The following COL20A1 variants were observed in gnomAD, a reference collection of about 807,000 sequenced individuals.
COL20A1 encodes the protein collagen alpha-1(XX) chain.
Under a neutral mutation model 152.9 loss-of-function variants are expected in COL20A1, and 164 were observed. The ratio of observed to expected loss-of-function variants is 1.07; its 90% CI spans 0.94 to 1.22. The LOEUF is 1.22. Ranked by LOEUF, COL20A1 falls within the 50% of genes most tolerant of loss-of-function variation. COL20A1 has a pLI of 0.00. For synonymous variants in COL20A1, 864 were observed against 756.0 expected (o/e 1.14, Z -2.34); for missense variants, 1,873 against 1,744.8 (o/e 1.07, Z -1.31).
Position 63,311,587 on chromosome 20 carries a change from G to T in COL20A1, c.1540-38G>T. 6.2e-7 allele frequency: 1 copy of T among 1,610,360 alleles called. No homozygotes were observed. The highest frequency in any genetic ancestry group is 1.1e-5 in the South Asian group (1 of 90,876). ...GGGGGAGGCAGAGGAGTGGGGCAGA[G>T]CGAGTGGGGGCTGGCCTGGGACGTC... On this transcript the variant is annotated intron_variant, in intron 12 of 35. Coordinates refer to ENST00000358894, the MANE Select transcript of COL20A1 (RefSeq NM_020882.4). The surrounding 1 kb of genome is among the most constrained non-coding windows in gnomAD (Gnocchi z 4.4).
rs369255661 is a variant in COL20A1 at position 63,314,093 on chromosome 20, A to G, written c.2380A>G (p.Ser794Gly). 37 of 1,612,800 alleles carry G rather than the reference A, an allele frequency of 2.3e-5. No individual in the cohort carries two copies. The highest frequency in any genetic ancestry group is 2.8e-5 in the Non-Finnish European group (33 of 1,179,770). ...EKSVSVPGAR[S>G]HVTLPDLQAA... ...CTAGGTCTCTGTGCCAGGAGCCAGG[A>G]GCCACGTGACACTGCCCGACCTGCA... is the stretch of plus-strand genomic sequence containing the variant. Residue 794 changes from serine to glycine, a missense_variant, in exon 19 of 36, where the codon AGC becomes GGC. Transcript: ENST00000358894.
chr20:63,307,574 A>T lies in COL20A1; in HGVS notation c.581A>T (p.His194Leu), dbSNP rs1023662465. ...GGGTCCTGGAGCATTGGCCACAGTC[A>T]CTTCCAGCAGGTCAAGGACTTCCTG... ...VDGSWSIGHSHFQQVKDFLAS... is the reference protein window; with the variant it reads ...VDGSWSIGHSLFQQVKDFLAS... Residue 194 changes from histidine to leucine, a missense_variant, in exon 6 of 36, where the codon CAC (histidine) becomes CTC (leucine). Physicochemically the swap from His to Leu is moderately conservative, Grantham distance 99 (BLOSUM62 -3). Transcript: ENST00000358894. 6.2e-7 allele frequency: 1 copy of T among 1,612,604 alleles called. No individual in the cohort carries two copies. The highest frequency in any genetic ancestry group is 8.5e-7 in the Non-Finnish European group (1 of 1,179,716).
At chr20:63,321,240 C>T (rs2068158768) in intron 26 of COL20A1, 141 bp downstream of exon 26, 1 of 610,664 alleles carries the variant, frequency 1.6e-6, no homozygotes, top group East Asian at 2.8e-5. Context: ...TTTCATGAGC[C>T]TCTTCCCTGC....
intron 27 of COL20A1, among the ~76,000 whole-genome samples, chr20:63,323,351 A>T (rs2068195689): frequency 6.6e-6 from 1 of 152,232 alleles, no homozygotes; most frequent in African/African-American, 2.4e-5. Flanking sequence ...TTTTAAAATA[A>T]CTTTTACGTA....
Position 63,320,059 on chromosome 20 carries a change from C to G in COL20A1, c.2937C>G (p.Arg979=), listed in dbSNP as rs760547645. The G allele has an allele frequency of 8.4e-6, 13 of 1,555,062 alleles. No homozygotes were observed. The Admixed American group carries it at 2.1e-4, about 25-fold the overall frequency. The change falls in exon 24 of 36, where the codon CGC becomes CGG. Residue 979 remains arginine, a synonymous_variant. Coordinates refer to ENST00000358894, the MANE Select transcript of COL20A1 (RefSeq NM_020882.4). ...CACAGGTGCACGTGGCTGTGGGCCG[C>G]TCCAAGGTCAGGCTCTATGTGGACT... ...SFHKVHVAVG[R]SKVRLYVDCR...
chr20:63,297,110 A>C (rs2123370368), intron 2 of COL20A1, among the ~76,000 whole-genome samples: 1 of 152,334 alleles, frequency 6.6e-6, no homozygotes, highest in Admixed American at 6.5e-5. Flanking sequence ...CACACGTGCC[A>C]ATGTGCACAC....
At position 63,315,457 on chromosome 20, in the gene COL20A1, TC is replaced by T. The variant is rs1164185270; in HGVS notation, c.2524+22del. 2 of 1,557,742 alleles carry T rather than the reference TC, an allele frequency of 1.3e-6. No homozygotes were observed. The highest frequency in any genetic ancestry group is 1.4e-5 in the African/African-American group (1 of 73,616). ...CCTCCCAGGTGGGTCCTGCATGCCC[TC>T]CCCTGCCTGCCCACCCACAGTCTCT... On this transcript the variant is annotated intron_variant, in intron 20 of 35. Coordinates refer to ENST00000358894, the MANE Select transcript of COL20A1 (RefSeq NM_020882.4).
chr20:63,309,066 C>T (rs574775296), intron 8 of COL20A1, among the ~76,000 whole-genome samples: 8 of 152,296 alleles, frequency 5.3e-5, no homozygotes, highest in Non-Finnish European at 1.2e-4. Flanking sequence ...CTGGCATCCT[C>T]CAGGGCCTGG....
chr20:63,321,207 T>G (rs1162673383), intron 26 of COL20A1, 108 bp downstream of exon 26: 7 of 679,564 alleles, frequency 1.0e-5, no homozygotes, highest in Non-Finnish European at 1.5e-5. Flanking sequence ...CATGCCCCCG[T>G]CCTGCCGCAG....
At chr20:63,320,233 G>A in intron 24 of COL20A1, 36 bp downstream of exon 24, 1 of 1,603,006 alleles carries the variant, frequency 6.2e-7, no homozygotes, top group African/African-American at 1.3e-5. Flanking sequence ...GGGCCACGCT[G>A]GTGGGGGCTG....
rs767037555 is a variant in COL20A1, at chr20:63,295,158, G to C, written c.51G>C (p.Leu17=). The change falls in exon 2 of 36, where the codon CTG becomes CTC. Residue 17 remains leucine (L), a synonymous_variant. Transcript: ENST00000358894. ...TCGGCCTCTGCCTCTGGCTGTGGCT[G>C]GGCGCCACCCTGGGAAGAGAGCAAG... The part of the protein sequence containing the change: ...AHLGLCLWLW[L]GATLGREQVQ... 4.5e-6 allele frequency: 7 copies of C among 1,555,468 alleles called. No homozygotes were observed. The highest frequency in any genetic ancestry group is 6.1e-6 in the Non-Finnish European group (7 of 1,149,878).
intron 3 of COL20A1, among the ~76,000 whole-genome samples, chr20:63,300,249 T>TA (rs1164701612): frequency 6.6e-6 from 1 of 152,206 alleles, no homozygotes; most frequent in Non-Finnish European, 1.5e-5. Context: ...GGATTCCTCT[T>TA]ATTCTGTTTT....
Position 63,310,371 on chromosome 20 carries a change from T to C in COL20A1, c.1264-10T>C. 1 of 1,610,810 alleles carries C rather than the reference T, an allele frequency of 6.2e-7. No homozygotes were observed. The highest frequency in any genetic ancestry group is 1.7e-4 in the Middle Eastern group (1 of 6,020). On this transcript the variant is annotated splice_polypyrimidine_tract_variant and intron_variant, in intron 10 of 35. Transcript: ENST00000358894. ...CCTTCCTGGCTCCGTCCTTGCCCAC[T>C]CTGTTCCAGGTGGTGGTGGAGGGAC... is the stretch of plus-strand genomic sequence containing the variant.
intron 10 of COL20A1, among the ~76,000 whole-genome samples, 198 bp from the exon 11 acceptor site, chr20:63,310,183 C>T (rs1601417003): frequency 6.6e-6 from 1 of 152,198 alleles, no homozygotes; most frequent in East Asian, 1.9e-4. Context: ...CGCCTTCTCC[C>T]TTTGATTGAT....
intron 31 of COL20A1, 63 bp from the exon 32 acceptor site, chr20:63,327,889 C>T: frequency 1.3e-6 from 2 of 1,519,456 alleles, no homozygotes; most frequent in Non-Finnish European, 1.8e-6. Context: ...GGCCATCTCA[C>T]ACTTGTCACG....
chr20:63,321,789 A>G (rs2123425795), intron 26 of COL20A1, among the ~76,000 whole-genome samples: 1 of 152,242 alleles, frequency 6.6e-6, no homozygotes, highest in African/African-American at 2.4e-5. Flanking sequence ...CCGGTCAAGC[A>G]CACTCTCTCT....
chr20:63,311,774 G>T lies in COL20A1; in HGVS notation c.1663+26G>T, dbSNP rs1485342115. ...GTGAGTGCTCCAACCCCGGCTGCCT[G>T]CCCACAGGCGGGTGCCCCATCTTGT... On this transcript the variant is annotated intron_variant, in intron 13 of 35. Transcript: ENST00000358894. This position sits in a 1 kb window ranked among gnomAD's most constrained non-coding sequence, Gnocchi z 4.4. The T allele has an allele frequency of 1.3e-6, 2 of 1,575,982 alleles. No individual in the cohort carries two copies. The highest frequency in any genetic ancestry group is 1.3e-5 in the African/African-American group (1 of 74,328).
chr20:63,312,408 C>T lies in COL20A1; in HGVS notation c.1804-12C>T. On this transcript the variant is annotated splice_polypyrimidine_tract_variant and intron_variant, in intron 14 of 35. Transcript: ENST00000358894. ...AGCTGGGCCTGCCATGTCGCCCTCC[C>T]ACCTGCTGCAGACAGAGGCTCCTGG... is the stretch of plus-strand genomic sequence containing the variant. The T allele has an allele frequency of 6.4e-7, 1 of 1,564,294 alleles. No individual in the cohort carries two copies. The highest frequency in any genetic ancestry group is 8.6e-7 in the Non-Finnish European group (1 of 1,160,222).
intron 14 of COL20A1, 134 bp downstream of exon 14, chr20:63,312,189 T>C: frequency 8.5e-7 from 1 of 1,172,604 alleles, no homozygotes; most frequent in Non-Finnish European, 1.2e-6. Flanking sequence ...CGGGGGCACC[T>C]GGTGTGGGGG....
Sources: allele counts gnomAD v4.1 joint callset (sites outside exome capture counted in the v4.1 genomes callset), GRCh38; gene constraint gnomAD v4.1.1; non-coding constraint Gnocchi (gnomAD v3.1); transcripts MANE v1.5; gene names NCBI Gene and HGNC (gene_info 2026-07-23, HGNC 2026-07-21).